The following RYR2 variants were observed in gnomAD, a reference collection of about 807,000 sequenced individuals.
RYR2 encodes the protein cardiac muscle ryanodine receptor-calcium release channel.
Under a neutral mutation model 601.1 loss-of-function variants are expected in RYR2, and 227 were observed. The ratio of observed to expected loss-of-function variants is 0.38; its 90% CI spans 0.34 to 0.42. The LOEUF (loss-of-function observed/expected upper bound fraction) is 0.42, where lower values mean the gene tolerates loss of function less well. Among genes scored for constraint, RYR2 ranks in the 10% least tolerant of loss-of-function variants. RYR2 has a pLI of 1.00. For missense variants in RYR2, 4,646 were observed against 6,156.5 expected (o/e 0.75, Z 8.21); for synonymous variants, 2,223 against 2,175.1 (o/e 1.02, Z -0.61).
intron 96 of RYR2, among the ~76,000 whole-genome samples, chr1:237,795,846 A>ATATATG (rs1436262969): frequency 8.6e-6 from 1 of 116,874 alleles, no homozygotes; most frequent in African/African-American, 4.1e-5. Context: ...GTATATATAT[A>ATATATG]TATGTATATG....
chr1:237,498,669 T>C (rs1355638776), intron 20 of RYR2, among the ~76,000 whole-genome samples: 1 of 152,198 alleles, frequency 6.6e-6, no homozygotes, highest in African/African-American at 2.4e-5. Flanking sequence ...GTATTCAATT[T>C]GAAGCTTTTT....
intron 12 of RYR2, 113 bp from the exon 13 acceptor site, chr1:237,441,206 C>A: frequency 9.2e-7 from 1 of 1,086,312 alleles, no homozygotes; most frequent in Non-Finnish European, 1.4e-6. Flanking sequence ...TTTCAGGGGA[C>A]TTCAGAGGGC....
chr1:237,639,100 A>G lies in RYR2; in HGVS notation c.7014A>G (p.Glu2338=), dbSNP rs1454217429. The G allele has an allele frequency of 1.9e-6, 3 of 1,613,768 alleles. No individual in the cohort carries two copies. The highest frequency in any genetic ancestry group is 2.5e-6 in the Non-Finnish European group (3 of 1,179,864). Residue 2338 remains glutamate, a synonymous_variant, in exon 46 of 105, where the codon GAA becomes GAG. Transcript: ENST00000366574. ...PECFGPALRG[E]GGNGLLAAME... Reference sequence around the variant, plus strand: ...GTTTTGGTCCTGCTTTGAGAGGAGAAGGTGGGAATGGGCTTCTTGCAGCAA... The same window carrying G: ...GTTTTGGTCCTGCTTTGAGAGGAGAGGGTGGGAATGGGCTTCTTGCAGCAA...
At position 237,589,790 on chromosome 1, in the gene RYR2, C is replaced by A. The variant is rs776703089; in HGVS notation, c.3599-3C>A. 5 of 1,610,430 alleles carry A rather than the reference C, an allele frequency of 3.1e-6. No homozygotes were observed. Among genetic ancestry groups the A allele is most frequent in the Non-Finnish European group, 4.2e-6 (5 of 1,178,800 alleles). ...TAAAACTTGATTTTTTTTTTCTTCC[C>A]AGGATTCATACCTGTGTGTAGCCTT... On this transcript the variant is annotated splice_region_variant and splice_polypyrimidine_tract_variant and intron_variant, in intron 29 of 104. Coordinates refer to ENST00000366574, the MANE Select transcript of RYR2 (RefSeq NM_001035.3).
chr1:237,825,904 A>G (rs1033394640), intron 101 of RYR2, among the ~76,000 whole-genome samples: 5 of 152,222 alleles, frequency 3.3e-5, no homozygotes, highest in African/African-American at 1.2e-4. Flanking sequence ...GCAGCCAACA[A>G]ACATATGAAA....
chr1:237,668,621 A>G (rs535722360), intron 58 of RYR2, among the ~76,000 whole-genome samples: 14 of 152,298 alleles, frequency 9.2e-5, no homozygotes, highest in Admixed American at 3.3e-4. Context: ...ACTATTTTCG[A>G]GCTCAGGGCC....
At chr1:237,382,918 T>G (rs1701655955) in intron 8 of RYR2, among the ~76,000 whole-genome samples, 1 of 151,596 alleles carries the variant, frequency 6.6e-6, no homozygotes, top group Non-Finnish European at 1.5e-5. Context: ...GTTTTTGTTT[T>G]TTTTTTTTCA....
At chr1:237,516,665 G>A (rs1379577022) in intron 24 of RYR2, among the ~76,000 whole-genome samples, 4 of 152,096 alleles carry the variant, frequency 2.6e-5, no homozygotes, top group Non-Finnish European at 4.4e-5. Flanking sequence ...GACCTATATA[G>A]CTTTATGTCC....
intron 2 of RYR2, 73 bp downstream of exon 2, chr1:237,270,689 T>C (rs899632202): frequency 5.5e-6 from 8 of 1,453,824 alleles, no homozygotes; most frequent in African/African-American, 4.2e-5. Flanking sequence ...TTATGAGCTC[T>C]CTACTATTTT....
At chr1:237,613,552 T>C (rs1397041574) in intron 36 of RYR2, among the ~76,000 whole-genome samples, 2 of 152,140 alleles carry the variant, frequency 1.3e-5, no homozygotes, top group East Asian at 3.9e-4. Flanking sequence ...TTGCCACAGA[T>C]CCTTGATACA....
intron 101 of RYR2, among the ~76,000 whole-genome samples, chr1:237,822,145 C>G (rs1228709151): frequency 6.6e-6 from 1 of 152,088 alleles, no homozygotes; most frequent in African/African-American, 2.4e-5. Context: ...GCAAGGCAGA[C>G]CAACATTCAA....
chr1:237,439,052 G>C (rs1044979589), intron 12 of RYR2, among the ~76,000 whole-genome samples: 1 of 152,176 alleles, frequency 6.6e-6, no homozygotes, highest in Non-Finnish European at 1.5e-5. Flanking sequence ...GTTTTAGTAA[G>C]ATTATTACTT....
intron 12 of RYR2, among the ~76,000 whole-genome samples, chr1:237,430,561 AAGAC>A (rs1191157049): frequency 6.6e-6 from 1 of 152,178 alleles, no homozygotes; most frequent in Non-Finnish European, 1.5e-5. Context: ...TGAGAATATG[AAGAC>A]AGAGAGAAAT....
At chr1:237,346,540 T>C (rs1055440425) in intron 3 of RYR2, among the ~76,000 whole-genome samples, 14 of 152,170 alleles carry the variant, frequency 9.2e-5, no homozygotes, top group African/African-American at 3.1e-4. Context: ...TACTTAAGAA[T>C]AAAATTTCTA....
chr1:237,818,953 G>GA, intron 100 of RYR2, 83 bp from the exon 101 acceptor site: 2 of 1,231,256 alleles, frequency 1.6e-6, no homozygotes, highest in Non-Finnish European at 2.3e-6. Context: ...TGAGGATTAG[G>GA]AACTACAGAG....
intron 3 of RYR2, among the ~76,000 whole-genome samples, chr1:237,342,394 T>G (rs922165994): frequency 1.3e-5 from 2 of 151,236 alleles, no homozygotes; most frequent in African/African-American, 4.9e-5. Context: ...CCTTAAGTGA[T>G]CCTCCCACCT....
intron 96 of RYR2, 119 bp downstream of exon 96, chr1:237,795,450 AT>A (rs35572672): frequency 0.016 from 6,479 of 409,776 alleles, no homozygotes; most frequent in Middle Eastern, 0.02. Context: ...TAATGTCTCC[AT>A]TTTTTTTTTT....
intron 1 of RYR2, among the ~76,000 whole-genome samples, chr1:237,196,714 C>T (rs1001174723): frequency 6.6e-6 from 1 of 152,196 alleles, no homozygotes; most frequent in Admixed American, 6.5e-5. Context: ...AGTACTCTAC[C>T]TTGCTTTCAT....
At chr1:237,445,746 A>C (rs1160895172) in intron 14 of RYR2, among the ~76,000 whole-genome samples, 1 of 152,132 alleles carries the variant, frequency 6.6e-6, no homozygotes, top group East Asian at 1.9e-4. Context: ...GTAATTTGTA[A>C]TTGATAGGTA....
Sources: gnomAD v4.1 joint callset for allele counts (sites outside exome capture counted in the v4.1 genomes callset) on GRCh38, gnomAD v4.1.1 for gene constraint, MANE v1.5 for transcripts, NCBI Gene and HGNC (gene_info 2026-07-23, HGNC 2026-07-21) for gene names.